NRG1: variants seen among roughly 807,000 people sequenced by gnomAD.
NRG1 encodes the protein pro-neuregulin-1, membrane-bound isoform.
A neutral mutation model predicts 63.8 loss-of-function variants in NRG1; 18 were observed. The ratio of observed to expected loss-of-function variants is 0.28; its 90% confidence interval spans 0.19 to 0.42. The LOEUF is 0.42. Among genes scored for constraint, NRG1 ranks in the 10% least tolerant of loss-of-function variants. The pLI, the probability that NRG1 is intolerant of heterozygous loss-of-function variation, is 1.00. For missense variants in NRG1, 762 were observed against 814.7 expected (o/e 0.94, Z 0.79); for synonymous variants, 302 against 301.3 (o/e 1.00, Z -0.02).
chr8:32,262,115 C>T (rs550508971), intron 1 of NRG1, among the ~76,000 whole-genome samples: 5 of 152,164 alleles, frequency 3.3e-5, no homozygotes, highest in East Asian at 3.9e-4. Flanking sequence ...TTGTTGTGAG[C>T]GTAAACCACA....
chr8:31,755,145 ACTAGTTTTTGG>A (rs1240999367), intron 1 of NRG1, among the ~76,000 whole-genome samples: 3 of 151,982 alleles, frequency 2.0e-5, no homozygotes, highest in African/African-American at 7.2e-5. Flanking sequence ...CCCACTAATG[ACTAGTTTTTGG>A]CTCATTTCCT....
At chr8:32,734,513 A>G (rs1380303325) in intron 6 of NRG1, among the ~76,000 whole-genome samples, 1 of 152,210 alleles carries the variant, frequency 6.6e-6, no homozygotes, top group Non-Finnish European at 1.5e-5. Flanking sequence ...TCAGTGTTAC[A>G]CTTGCCTGTG....
chr8:32,380,237 A>G (rs1193620609), intron 1 of NRG1, among the ~76,000 whole-genome samples: 2 of 152,032 alleles, frequency 1.3e-5, no homozygotes, highest in African/African-American at 4.8e-5. Context: ...CTATAACACC[A>G]TATATCCTCG....
At chr8:32,290,300 A>C (rs978726072) in intron 1 of NRG1, among the ~76,000 whole-genome samples, 3 of 152,078 alleles carry the variant, frequency 2.0e-5, no homozygotes, top group African/African-American at 7.2e-5. Flanking sequence ...TATGGGTTTC[A>C]TTTCATACAG....
chr8:32,763,858 C>T (rs376791440), exon 12 of NRG1: 45 of 1,614,058 alleles, frequency 2.8e-5, no homozygotes, highest in East Asian at 1.3e-4. Flanking sequence ...TCCAGCATGA[C>T]GGTGTCCATG....
At chr8:32,658,147 T>C (rs1801974078) in intron 5 of NRG1, among the ~76,000 whole-genome samples, 1 of 152,160 alleles carries the variant, frequency 6.6e-6, no homozygotes, top group African/African-American at 2.4e-5. Context: ...TGGTACACAG[T>C]CAATAACCTA....
chr8:32,768,345 C>T (rs1361993869), downstream of NRG1, among the ~76,000 whole-genome samples: 3 of 152,172 alleles, frequency 2.0e-5, no homozygotes, highest in South Asian at 2.1e-4. Context: ...CATTCAATCA[C>T]GAAAGGTAAC....
intron 1 of NRG1, among the ~76,000 whole-genome samples, chr8:31,995,167 T>C (rs1399660852): frequency 6.6e-6 from 1 of 151,984 alleles, no homozygotes; most frequent in African/African-American, 2.4e-5. Context: ...TGTCCTCAGC[T>C]TTTTTATAGA....
At position 32,163,315 on chromosome 8, in the gene NRG1, T is replaced by G. The variant is rs114211878; in HGVS notation, c.38-432513T>G. Among the ~76,000 whole-genome samples the G allele has an allele frequency of 5.9e-3, 901 of 152,198 alleles. 11 individuals carry two copies. The highest frequency in any genetic ancestry group is 0.021 in the African/African-American group (858 of 41,510). On this transcript the variant is annotated intron_variant, in intron 1 of 10. Coordinates refer to the NRG1 transcript ENST00000519301. ...AGAAACAGAAATGAGTTTCCAGCCC[T>G]CAAGGGAACTGTTTGCTAAAGATTG... is the stretch of plus-strand genomic sequence containing the variant.
chr8:32,211,483 A>G (rs528182383), intron 1 of NRG1, among the ~76,000 whole-genome samples: 1 of 152,184 alleles, frequency 6.6e-6, no homozygotes, highest in Non-Finnish European at 1.5e-5. Context: ...AGACATCATC[A>G]TTATCCTCTA....
chr8:31,878,454 A>G (rs1830093336), intron 1 of NRG1, among the ~76,000 whole-genome samples: 1 of 152,240 alleles, frequency 6.6e-6, no homozygotes, highest in South Asian at 2.1e-4. Flanking sequence ...AAAGCCCTGA[A>G]ATAAAAAAGC....
chr8:32,410,878 AT>A (rs150202882), intron 1 of NRG1, among the ~76,000 whole-genome samples: 55,177 of 141,630 alleles, frequency 0.39, 10,239 homozygotes, highest in South Asian at 0.49. Context: ...CACAACCCAC[AT>A]TTTTTTTTTT....
At chr8:32,008,481 A>C (rs1389725290) in intron 1 of NRG1, among the ~76,000 whole-genome samples, 1 of 152,048 alleles carries the variant, frequency 6.6e-6, no homozygotes, top group Non-Finnish European at 1.5e-5. Context: ...TAATCTGCCT[A>C]GTTCGGTTTC....
chr8:32,312,202 C>G (rs1365237753), intron 1 of NRG1, among the ~76,000 whole-genome samples: 1 of 118,032 alleles, frequency 8.5e-6, no homozygotes, highest in Non-Finnish European at 1.6e-5. Flanking sequence ...GTCTCACTGT[C>G]TCCCAGACTG....
At chr8:31,742,574 C>A (rs951432758) in intron 1 of NRG1, among the ~76,000 whole-genome samples, 2 of 145,442 alleles carry the variant, frequency 1.4e-5, no homozygotes, top group Admixed American at 7.2e-5. Context: ...ATAACTTTTC[C>A]CTATCATGTC....
At chr8:32,733,318 G>A (rs1824208249) in intron 6 of NRG1, among the ~76,000 whole-genome samples, 1 of 152,072 alleles carries the variant, frequency 6.6e-6, no homozygotes, top group Non-Finnish European at 1.5e-5. Flanking sequence ...TTTGTATAAT[G>A]AATGTTTATG....
downstream of NRG1, among the ~76,000 whole-genome samples, chr8:32,770,114 T>C (rs1315332784): frequency 6.6e-6 from 1 of 152,174 alleles, no homozygotes; most frequent in Non-Finnish European, 1.5e-5. Flanking sequence ...AAAGGACATC[T>C]CTGCCCACCC....
chr8:32,704,207 C>T (rs1311443573), intron 5 of NRG1, among the ~76,000 whole-genome samples: 1 of 152,122 alleles, frequency 6.6e-6, no homozygotes, highest in Non-Finnish European at 1.5e-5. Flanking sequence ...CTGGGGAGGC[C>T]GTAGAGGTGG....
intron 1 of NRG1, among the ~76,000 whole-genome samples, chr8:32,279,609 C>T (rs1427573245): frequency 6.6e-6 from 1 of 152,170 alleles, no homozygotes; most frequent in Non-Finnish European, 1.5e-5. Context: ...CCTTGGCCTC[C>T]GAAAGTGCTG....
Sources: allele counts gnomAD v4.1 joint callset (sites outside exome capture counted in the v4.1 genomes callset), GRCh38; gene constraint gnomAD v4.1.1; transcripts MANE v1.5; gene names NCBI Gene and HGNC (gene_info 2026-07-23, HGNC 2026-07-21).